Variants in TMEM67 observed in about 807,000 individuals in gnomAD.
TMEM67 encodes the protein transmembrane protein 67.
Under a neutral mutation model 136.6 loss-of-function variants are expected in TMEM67, and 124 were observed. The observed-to-expected ratio is 0.91, with a 90% CI of 0.78 to 1.05. The LOEUF is 1.05. TMEM67 is among the 50% of genes least tolerant of loss of function. The pLI is 0.00. For missense variants in TMEM67, 1,107 were observed against 1,178.4 expected, an observed-to-expected ratio of 0.94 and a Z score of 0.89; for synonymous variants, 364 against 390.5, an observed-to-expected ratio of 0.93 and a Z score of 0.80.
chr8:93,817,049 T>A lies in TMEM67; in HGVS notation c.*597T>A, dbSNP rs1808934338. On this transcript the variant is annotated 3_prime_UTR_variant, in exon 28 of 28. Transcript: ENST00000453321. ...ATGAAATGATATCTTTTCATTCCTT[T>A]GTATACCTGTATTAGGTCAGTATAC... The A allele has an allele frequency of 6.6e-6, 1 of 152,400 alleles. No homozygotes were observed. Among genetic ancestry groups the A allele is most frequent in the Non-Finnish European group, 1.5e-5 (1 of 68,150 alleles). The allele number at this position is 152,400 out of a possible 1,614,324, so 9.4% of individuals were successfully genotyped here. A position where few individuals can be genotyped will look rare whatever the true frequency, so the allele number is the denominator to read the frequency against.
chr8:93,826,428 G>C, the TMEM67 span, among the ~76,000 whole-genome samples: 1 of 152,104 alleles, frequency 6.6e-6, no homozygotes, highest in African/African-American at 2.4e-5. Flanking sequence ...GAGGGACTCT[G>C]TAAATAAGTG....
In TMEM67 at chr8:93,791,335, C is replaced by T. The variant is rs2130711471; in HGVS notation, c.1575+16C>T. On this transcript the variant is annotated intron_variant, in intron 15 of 27. Transcript: ENST00000453321. ...CCAGACAGATGTAAGTTTATTTTAA[C>T]CTTTTAAAATATATACAGTGTATTT... The T allele has an allele frequency of 6.5e-7, 1 of 1,540,170 alleles. No individual in the cohort carries two copies. The highest frequency in any genetic ancestry group is 9.0e-7 in the Non-Finnish European group (1 of 1,114,870).
Position 93,804,280 on chromosome 8 carries a change from C to CTTCTT in TMEM67, c.2323-467_2323-463dup, listed in dbSNP as rs920218256. 4.7e-3 allele frequency among the ~76,000 whole-genome samples: 612 copies of CTTCTT among 129,540 alleles called. 1 individual carries two copies. Among genetic ancestry groups the CTTCTT allele is most frequent in the African/African-American group, 0.016 (574 of 35,752 alleles). The allele number at this position is 129,540 out of a possible 152,430, so 85.0% of individuals were successfully genotyped here. On this transcript the variant is annotated intron_variant, in intron 22 of 27. Coordinates refer to ENST00000453321, the MANE Select transcript of TMEM67 (RefSeq NM_153704.6). Reference sequence around the variant, plus strand: ...AATTGTTTCTATGTCAACCCTGTTTCTTCTTTTCTTTTCTTTTCTCTTTTC... The same window carrying CTTCTT: ...AATTGTTTCTATGTCAACCCTGTTTCTTCTTTTCTTTTCTTTTCTTTTCTCTTTTC...
At chr8:93,814,573 C>T (rs752052200) in intron 26 of TMEM67, among the ~76,000 whole-genome samples, 3 of 151,650 alleles carry the variant, frequency 2.0e-5, no homozygotes, top group Admixed American at 6.6e-5. Context: ...TTCATGCAGT[C>T]CTCCCATCTC....
intron 26 of TMEM67, among the ~76,000 whole-genome samples, chr8:93,811,784 C>T (rs749167890): frequency 1.3e-5 from 2 of 151,766 alleles, no homozygotes; most frequent in East Asian, 1.9e-4. Context: ...TGCTAGTGAG[C>T]GCCGAGATCG....
chr8:93,814,329 C>T (rs1191533351), intron 26 of TMEM67, among the ~76,000 whole-genome samples: 5 of 150,984 alleles, frequency 3.3e-5, no homozygotes, highest in African/African-American at 9.7e-5. Flanking sequence ...TTAGTGGAGA[C>T]GGGGTTTCAC....
intron 21 of TMEM67, among the ~76,000 whole-genome samples, chr8:93,800,400 T>C (rs187624745): frequency 1.3e-5 from 2 of 152,220 alleles, no homozygotes; most frequent in East Asian, 3.9e-4. Context: ...AAATTCTGCA[T>C]CTGTAGAGGG....
Position 93,759,938 on chromosome 8 carries a change from G to A in TMEM67, c.406+1362G>A, listed in dbSNP as rs563120372. 5.3e-5 allele frequency: 82 copies of A among 1,533,370 alleles called. 1 individual carries two copies. Among genetic ancestry groups the A allele is most frequent in the African/African-American group, 8.3e-5 (6 of 72,206 alleles). The allele number at this position is 1,533,370 out of a possible 1,614,324, so 95.0% of individuals were successfully genotyped here. ...TGCTGGGATACAGGCTTGAGCCACC[G>A]CACCTGACCTTGGCATGTACTTTAG... On this transcript the variant is annotated intron_variant, in intron 3 of 27. Coordinates refer to ENST00000453321, the MANE Select transcript of TMEM67 (RefSeq NM_153704.6).
chr8:93,778,405 A>G (rs935975009), intron 7 of TMEM67, among the ~76,000 whole-genome samples: 23 of 152,202 alleles, frequency 1.5e-4, no homozygotes, highest in African/African-American at 5.3e-4. Context: ...TTATGATGTT[A>G]GCTGGTCATT....
rs761772547 is a variant in TMEM67, at chr8:93,755,832, C to A, written c.278C>A (p.Pro93His). The A allele has an allele frequency of 6.3e-7, 1 of 1,588,634 alleles. No homozygotes were observed. The highest frequency in any genetic ancestry group is 8.6e-7 in the Non-Finnish European group (1 of 1,168,138). Reference protein sequence around the residue: ...GFQMISNNGGPAIICKKCPEN... With the variant: ...GFQMISNNGGHAIICKKCPEN... ...CAGATGATCTCTAATAATGGAGGACCTGCTATTATTTGTAAAAAGTGCCCA... is the reference window on the plus strand; with the variant it reads ...CAGATGATCTCTAATAATGGAGGACATGCTATTATTTGTAAAAAGTGCCCA... Residue 93 changes from proline to histidine, a missense_variant, in exon 2 of 28, where the codon CCT becomes CAT. Around this residue, in one of 3 missense-constraint regions of TMEM67, gnomAD observed 178 missense variants for 159.2 expected, o/e 1.12. Coordinates refer to ENST00000453321, the MANE Select transcript of TMEM67 (RefSeq NM_153704.6).
At chr8:93,822,042 G>A (rs1809048678), downstream of TMEM67, among the ~76,000 whole-genome samples, 4 of 152,188 alleles carry the variant, frequency 2.6e-5, no homozygotes, top group Non-Finnish European at 1.5e-5. Context: ...TACATCAGAA[G>A]ACCCCATTAT....
chr8:93,784,309 A>G (rs902653775), intron 11 of TMEM67, among the ~76,000 whole-genome samples: 1 of 152,170 alleles, frequency 6.6e-6, no homozygotes, highest in African/African-American at 2.4e-5. Flanking sequence ...TTATTATCCC[A>G]TTTGATTCAT....
chr8:93,769,397 G>A (rs1813235039), intron 6 of TMEM67: 1 of 157,152 alleles, frequency 6.4e-6, no homozygotes, highest in Admixed American at 6.5e-5. Flanking sequence ...GGGGCCCATA[G>A]GAATGAGAAG....
At chr8:93,803,339 C>T (rs751846766) in intron 21 of TMEM67, among the ~76,000 whole-genome samples, 2 of 152,164 alleles carry the variant, frequency 1.3e-5, no homozygotes, top group African/African-American at 4.8e-5. Context: ...TTTCTTCCCA[C>T]GTGTTTGTCA....
chr8:93,788,234 T>C (rs1336576525), intron 14 of TMEM67, among the ~76,000 whole-genome samples: 2 of 152,156 alleles, frequency 1.3e-5, no homozygotes, highest in African/African-American at 2.4e-5. Context: ...AGATGTTCAA[T>C]GTCTGCTCCT....
intron 23 of TMEM67, among the ~76,000 whole-genome samples, chr8:93,807,612 A>G (rs941368646): frequency 5.3e-5 from 8 of 151,928 alleles, no homozygotes; most frequent in Non-Finnish European, 8.8e-5. Flanking sequence ...TTTAGGTAAT[A>G]TTTTTATTTT....
intron 26 of TMEM67, chr8:93,811,237 CAGAAG>C (rs1244921524): frequency 6.6e-6 from 1 of 152,168 alleles, no homozygotes; most frequent in African/African-American, 2.4e-5. Context: ...GAGGTAAAGC[CAGAAG>C]AGGCAACCTG....
In TMEM67 at chr8:93,755,182, C is replaced by T. The variant is rs961425275; in HGVS notation, c.223+45C>T. 2.6e-6 allele frequency: 4 copies of T among 1,549,216 alleles called. No individual in the cohort carries two copies. The African/African-American group carries it at 5.4e-5, about 21-fold the overall frequency. On this transcript the variant is annotated intron_variant, in intron 1 of 27. Transcript: ENST00000453321. ...GCCCTGGCAAAAGTAACACTCCCGC[C>T]TTGGTCGGCCCCTAGTCCCCGTAAA...
At chr8:93,827,526 T>C in the TMEM67 span, among the ~76,000 whole-genome samples, 2 of 151,752 alleles carry the variant, frequency 1.3e-5, no homozygotes, top group Non-Finnish European at 2.9e-5. Context: ...GCCTCCTGAA[T>C]AGCTGGGACT....
Sources: allele counts gnomAD v4.1 joint callset (sites outside exome capture counted in the v4.1 genomes callset), GRCh38; gene constraint gnomAD v4.1.1; regional missense constraint gnomAD v4.1.1; transcripts MANE v1.5; gene names NCBI Gene and HGNC (gene_info 2026-07-23, HGNC 2026-07-21).